PPP2R3A: variants seen among roughly 807,000 people sequenced by gnomAD.
The protein encoded by PPP2R3A is protein phosphatase 2 regulatory subunit B''alpha.
PPP2R3A carries 80 observed loss-of-function variants against 106.9 expected under a neutral mutation model. That is an observed-to-expected ratio of 0.75 (90% CI 0.62 to 0.90). The LOEUF is 0.90. PPP2R3A is among the 40% of genes least tolerant of loss of function. The probability of loss-of-function intolerance (pLI) is 0.00; values close to 1 mark genes in which losing one functional copy is unlikely to be tolerated. For synonymous variants in PPP2R3A, 483 were observed against 468.3 expected (o/e 1.03, Z -0.41); for missense variants, 1,386 against 1,350.4 (o/e 1.03, Z -0.41).
intron 1 of PPP2R3A, among the ~76,000 whole-genome samples, chr3:135,975,278 G>A (rs2107751068): frequency 6.6e-6 from 1 of 152,182 alleles, no homozygotes; most frequent in East Asian, 1.9e-4. Context: ...CCTTAAAAGG[G>A]CAAACAGGCC....
At position 135,965,777 on chromosome 3, in the gene PPP2R3A, G is replaced by C. The variant is rs897840192; in HGVS notation, c.-513G>C. 1 of 152,228 alleles carries C rather than the reference G, an allele frequency of 6.6e-6. No individual in the cohort carries two copies. Among genetic ancestry groups the C allele is most frequent in the Non-Finnish European group, 1.5e-5 (1 of 68,076 alleles). 9.4% of individuals were successfully genotyped at this position (152,228 alleles called of 1,614,324 possible). A position where few individuals can be genotyped will look rare whatever the true frequency, so the allele number is the denominator to read the frequency against. ...CGCCGCATTCGTAGCCCGAGAGTCC[G>C]CGCCGCGGGGAGGCTTGGAGGCAAG... On this transcript the variant is annotated 5_prime_UTR_variant, in exon 1 of 14. Transcript: ENST00000264977.
chr3:135,965,916 G>T, intron 1 of PPP2R3A, 67 bp downstream of exon 1: 1 of 152,920 alleles, frequency 6.5e-6, no homozygotes, highest in South Asian at 1.9e-4. Context: ...CCGAGGGGGT[G>T]GCGAGGCTCG....
intron 2 of PPP2R3A, among the ~76,000 whole-genome samples, chr3:136,008,044 A>ATT (rs1425134086): frequency 1.1e-4 from 17 of 152,234 alleles, no homozygotes; most frequent in African/African-American, 4.1e-4. Context: ...AGGTTTCCTC[A>ATT]TTGTTTAGAT....
chr3:136,008,529 C>G (rs1301588907), intron 2 of PPP2R3A, among the ~76,000 whole-genome samples: 1 of 152,206 alleles, frequency 6.6e-6, no homozygotes, highest in Non-Finnish European at 1.5e-5. Context: ...CATCAGGTAT[C>G]TCAAATATGT....
chr3:136,035,293 T>C (rs1935048131), intron 3 of PPP2R3A, among the ~76,000 whole-genome samples: 3 of 152,180 alleles, frequency 2.0e-5, no homozygotes, highest in Non-Finnish European at 4.4e-5. Context: ...TTTGTTTTTG[T>C]TTTTTAAATT....
At chr3:136,106,170 G>A in intron 12 of PPP2R3A, 46 bp from the exon 13 acceptor site, 2 of 1,502,864 alleles carry the variant, frequency 1.3e-6, no homozygotes, top group Non-Finnish European at 1.8e-6. Flanking sequence ...CCAATTCTTT[G>A]TCTTTGATTT....
At chr3:136,009,051 G>A (rs1023277935) in intron 2 of PPP2R3A, among the ~76,000 whole-genome samples, 10 of 151,426 alleles carry the variant, frequency 6.6e-5, no homozygotes, top group Middle Eastern at 3.2e-3. Flanking sequence ...TCCTGAAATC[G>A]TTTCACCATG....
chr3:136,084,342 G>A (rs117989385), intron 8 of PPP2R3A, among the ~76,000 whole-genome samples: 166 of 152,372 alleles, frequency 1.1e-3, no homozygotes, highest in East Asian at 4.6e-3. Flanking sequence ...TGGCGTCCAC[G>A]TGGTGTTGGT....
intron 1 of PPP2R3A, among the ~76,000 whole-genome samples, chr3:135,973,825 G>A (rs988758099): frequency 2.0e-5 from 3 of 152,088 alleles, no homozygotes; most frequent in Admixed American, 6.6e-5. Flanking sequence ...TCTAGATACC[G>A]GAGATATAGT....
chr3:136,055,409 G>A lies in PPP2R3A; in HGVS notation c.2469+6048G>A, dbSNP rs79115434. The A allele has an allele frequency of 8.7e-4, 872 of 1,001,334 alleles. 1 individual carries two copies. The African/African-American group carries it at 0.011, about 12-fold the overall frequency. The allele number at this position is 1,001,334 out of a possible 1,614,324, so 62.0% of individuals were successfully genotyped here. On this transcript the variant is annotated intron_variant, in intron 5 of 13. Transcript: ENST00000264977. ...TCCTCTGACCCTCTTATCCCCTGTT[G>A]CTCTCCGAGGTGCCATAATGCAAAT...
intron 3 of PPP2R3A, among the ~76,000 whole-genome samples, chr3:136,032,231 C>A (rs1934917918): frequency 6.6e-6 from 1 of 152,236 alleles, no homozygotes. Flanking sequence ...AGGTCTTTCA[C>A]CTCCTTGGTT....
intron 1 of PPP2R3A, among the ~76,000 whole-genome samples, chr3:135,991,570 A>G (rs909531263): frequency 1.3e-5 from 2 of 152,246 alleles, no homozygotes; most frequent in African/African-American, 4.8e-5. Flanking sequence ...TAGCCTATTC[A>G]TCATACTTCC....
At chr3:136,015,619 C>T (rs550045836) in intron 2 of PPP2R3A, among the ~76,000 whole-genome samples, 1 of 151,658 alleles carries the variant, frequency 6.6e-6, no homozygotes, top group African/African-American at 2.4e-5. Flanking sequence ...TTCATAGTAG[C>T]CTTGAATGAT....
At chr3:136,076,543 T>C (rs1379688512) in intron 6 of PPP2R3A, among the ~76,000 whole-genome samples, 1 of 152,212 alleles carries the variant, frequency 6.6e-6, no homozygotes, top group Non-Finnish European at 1.5e-5. Flanking sequence ...GTTCTTCAAA[T>C]AGTTATGAAG....
chr3:135,989,583 CA>C (rs1193026272), intron 1 of PPP2R3A, among the ~76,000 whole-genome samples: 4 of 151,730 alleles, frequency 2.6e-5, no homozygotes, highest in Admixed American at 6.6e-5. Context: ...GTCTGGAACA[CA>C]AAAAAATCTC....
intron 3 of PPP2R3A, among the ~76,000 whole-genome samples, chr3:136,039,987 T>TTA (rs1156438320): frequency 1.5e-4 from 23 of 152,314 alleles, no homozygotes; most frequent in African/African-American, 5.3e-4. Flanking sequence ...TATAAATAAA[T>TTA]TATAGCATTT....
At chr3:136,013,157 G>GGTGA (rs1934141704) in intron 2 of PPP2R3A, among the ~76,000 whole-genome samples, 1 of 139,708 alleles carries the variant, frequency 7.2e-6, no homozygotes, top group African/African-American at 2.8e-5. Context: ...AGTATTCCAT[G>GGTGA]GTGTGTGTGT....
intron 5 of PPP2R3A, among the ~76,000 whole-genome samples, chr3:136,061,611 G>A (rs192642678): frequency 1.3e-5 from 2 of 151,594 alleles, no homozygotes; most frequent in East Asian, 3.9e-4. Context: ...CTGGGTGACA[G>A]AGCAAGACTT....
At chr3:136,090,426 A>G in intron 9 of PPP2R3A, 152 bp from the exon 10 acceptor site, 1 of 570,590 alleles carries the variant, frequency 1.8e-6, no homozygotes, top group Non-Finnish European at 3.1e-6. Flanking sequence ...TGAAAATAAG[A>G]TAGGCTGTGG....
Sources: allele counts gnomAD v4.1 joint callset (sites outside exome capture counted in the v4.1 genomes callset), GRCh38; gene constraint gnomAD v4.1.1; transcripts MANE v1.5; gene names NCBI Gene and HGNC (gene_info 2026-07-23, HGNC 2026-07-21).